LRFN5: variants seen among roughly 807,000 people sequenced by gnomAD.
LRFN5 encodes leucine rich repeat and fibronectin type III domain containing 5.
Under a neutral mutation model 45.6 loss-of-function variants are expected in LRFN5, and 24 were observed. That is an observed-to-expected ratio of 0.53 (90% CI 0.38 to 0.74). LRFN5 has a LOEUF of 0.74. Ranked by LOEUF, LRFN5 falls within the 30% of genes least tolerant of loss-of-function variation. LRFN5 has a pLI of 0.00. For missense variants in LRFN5, 776 were observed against 861.5 expected (o/e 0.90, Z 1.24); for synonymous variants, 340 against 313.8 (o/e 1.08, Z -0.88).
At chr14:41,860,712 A>G (rs890761496) in intron 2 of LRFN5, among the ~76,000 whole-genome samples, 4 of 152,190 alleles carry the variant, frequency 2.6e-5, no homozygotes, top group Non-Finnish European at 5.9e-5. Flanking sequence ...GGCTTACATG[A>G]CTGCCCTGGT....
chr14:41,748,266 C>G (rs987618987), intron 1 of LRFN5, among the ~76,000 whole-genome samples: 6 of 152,006 alleles, frequency 3.9e-5, no homozygotes, highest in Non-Finnish European at 7.4e-5. Context: ...AAGTTGGAAA[C>G]AATTCACCTG....
At chr14:41,765,117 G>A (rs955552121) in intron 1 of LRFN5, among the ~76,000 whole-genome samples, 1 of 151,922 alleles carries the variant, frequency 6.6e-6, no homozygotes, top group Non-Finnish European at 1.5e-5. Flanking sequence ...CGAGACGGGC[G>A]GATCACGAGG....
intron 4 of LRFN5, among the ~76,000 whole-genome samples, chr14:41,897,024 G>A (rs944524597): frequency 3.3e-5 from 5 of 151,500 alleles, no homozygotes; most frequent in Non-Finnish European, 7.4e-5. Flanking sequence ...CCCTGGAGTC[G>A]GAGGTTGCAG....
intron 4 of LRFN5, chr14:41,892,987 A>C (rs2139165639): frequency 1.0e-6 from 1 of 985,166 alleles, no homozygotes; most frequent in South Asian, 4.7e-5. Flanking sequence ...TTTATCACCA[A>C]GTAAAATTTA....
At chr14:41,730,207 G>A (rs1308448028) in intron 1 of LRFN5, among the ~76,000 whole-genome samples, 3 of 151,822 alleles carry the variant, frequency 2.0e-5, no homozygotes, top group Non-Finnish European at 4.4e-5. Flanking sequence ...CTTTTAAATG[G>A]CTGTCTTCTA....
intron 1 of LRFN5, among the ~76,000 whole-genome samples, chr14:41,620,075 T>G (rs2138555836): frequency 6.6e-6 from 1 of 152,226 alleles, no homozygotes; most frequent in Non-Finnish European, 1.5e-5. Context: ...ACTGTAATAT[T>G]TGGCCTTAGT....
chr14:41,749,592 C>G (rs368373004), intron 1 of LRFN5, among the ~76,000 whole-genome samples: 2 of 152,022 alleles, frequency 1.3e-5, no homozygotes, highest in Non-Finnish European at 2.9e-5. Flanking sequence ...TGCACGCTCT[C>G]ACTTATAAGT....
At chr14:41,804,434 A>G (rs1887449059) in intron 2 of LRFN5, among the ~76,000 whole-genome samples, 1 of 152,104 alleles carries the variant, frequency 6.6e-6, no homozygotes, top group Non-Finnish European at 1.5e-5. Flanking sequence ...TTTCTACAAT[A>G]GTGATATTAC....
chr14:41,864,269 C>G (rs907206351), intron 2 of LRFN5, among the ~76,000 whole-genome samples: 1 of 152,134 alleles, frequency 6.6e-6, no homozygotes, highest in African/African-American at 2.4e-5. Flanking sequence ...AATGGTTGAA[C>G]TAATTTACAC....
At chr14:41,836,773 T>C (rs1163359368) in intron 2 of LRFN5, among the ~76,000 whole-genome samples, 1 of 152,142 alleles carries the variant, frequency 6.6e-6, no homozygotes, top group African/African-American at 2.4e-5. Context: ...TTCAGAGAGA[T>C]AGGGATGCCT....
chr14:41,872,340 A>G (rs1482218799), intron 2 of LRFN5, among the ~76,000 whole-genome samples: 2 of 152,220 alleles, frequency 1.3e-5, no homozygotes, highest in South Asian at 2.1e-4. Flanking sequence ...TAAAGTATCT[A>G]TAGACATATA....
At chr14:41,776,958 A>G (rs149324413) in intron 2 of LRFN5, among the ~76,000 whole-genome samples, 1,790 of 152,150 alleles carry the variant, frequency 0.012, 35 homozygotes, top group African/African-American at 0.04. Flanking sequence ...TTAATAATGT[A>G]TCCTTTACAC....
intron 1 of LRFN5, among the ~76,000 whole-genome samples, chr14:41,750,999 T>C (rs1045632597): frequency 6.6e-6 from 1 of 152,182 alleles, no homozygotes; most frequent in Non-Finnish European, 1.5e-5. Flanking sequence ...CAGGCCCCAG[T>C]GTGTGATGTT....
intron 2 of LRFN5, among the ~76,000 whole-genome samples, chr14:41,843,152 G>A (rs996891820): frequency 7.0e-6 from 1 of 143,756 alleles, no homozygotes; most frequent in African/African-American, 2.6e-5. Context: ...GTGATAAAAT[G>A]ACAGCTCACT....
chr14:41,890,575 CGG>C (rs1890742056), intron 3 of LRFN5, among the ~76,000 whole-genome samples: 1 of 151,672 alleles, frequency 6.6e-6, no homozygotes, highest in African/African-American at 2.4e-5. Flanking sequence ...GGCGTGGTGG[CGG>C]GCGCCTGTAG....
chr14:41,756,216 A>C (rs551974251), intron 1 of LRFN5, among the ~76,000 whole-genome samples: 1 of 152,018 alleles, frequency 6.6e-6, no homozygotes, highest in Non-Finnish European at 1.5e-5. Context: ...CTTCATTTCA[A>C]CTTTAGTGAA....
intron 1 of LRFN5, among the ~76,000 whole-genome samples, chr14:41,674,167 C>T (rs1881440758): frequency 7.4e-6 from 1 of 135,820 alleles, no homozygotes; most frequent in African/African-American, 2.8e-5. Flanking sequence ...AGGCGCCCCT[C>T]ACCTCCCAGA....
chr14:41,854,996 G>A (rs1220051723), intron 2 of LRFN5, among the ~76,000 whole-genome samples: 3 of 152,060 alleles, frequency 2.0e-5, no homozygotes, highest in African/African-American at 7.3e-5. Flanking sequence ...AATTCTCCAG[G>A]TGAAAGATAA....
intron 1 of LRFN5, among the ~76,000 whole-genome samples, chr14:41,753,692 A>T (rs1049130559): frequency 1.3e-5 from 2 of 152,050 alleles, no homozygotes; most frequent in Non-Finnish European, 2.9e-5. Context: ...TTTCTAGATA[A>T]ACAATCATGT....
Sources: gnomAD v4.1 joint callset for allele counts (sites outside exome capture counted in the v4.1 genomes callset) on GRCh38, gnomAD v4.1.1 for gene constraint, MANE v1.5 for transcripts, NCBI Gene and HGNC (gene_info 2026-07-23, HGNC 2026-07-21) for gene names.